Variants in CXCL11 observed in about 807,000 individuals in gnomAD.
CXCL11 encodes C-X-C motif chemokine ligand 11, also known as C-X-C motif chemokine 11.
Under a neutral mutation model 9.7 loss-of-function variants are expected in CXCL11, and 7 were observed. The ratio of observed to expected loss-of-function variants is 0.72; its 90% CI spans 0.41 to 1.36. The LOEUF is 1.36. Among genes scored for constraint, CXCL11 ranks in the 40% most tolerant of loss-of-function variants. CXCL11 has a pLI of 0.01. For missense variants in CXCL11, 107 were observed against 113.4 expected, an observed-to-expected ratio of 0.94 and a Z score of 0.26; for synonymous variants, 35 against 34.4, an observed-to-expected ratio of 1.02 and a Z score of -0.06.
At position 76,034,409 on chromosome 4, in the gene CXCL11, T is replaced by G; in HGVS notation, c.*384A>C. On this transcript the variant is annotated 3_prime_UTR_variant, in exon 4 of 4. Transcript: ENST00000306621. Reference sequence around the variant, plus strand: ...TGTTCTCATAGTCACAACAGAATAGTTGTAAGCATCAAATCTAGAAGGTTC... The same window carrying G: ...TGTTCTCATAGTCACAACAGAATAGGTGTAAGCATCAAATCTAGAAGGTTC... The G allele has an allele frequency of 2.1e-6, 1 of 467,800 alleles. No homozygotes were observed. The highest frequency in any genetic ancestry group is 3.7e-6 in the Non-Finnish European group (1 of 271,916). The allele number at this position is 467,800 out of a possible 1,614,324, so 29.0% of individuals were successfully genotyped here.
At chr4:76,035,791 G>A (rs937683406) in intron 1 of CXCL11, 136 bp downstream of exon 1, 3 of 723,618 alleles carry the variant, frequency 4.1e-6, no homozygotes, top group Middle Eastern at 3.6e-4. Context: ...CCATTTCTGT[G>A]CTAAAGCTGT....
Position 76,035,039 on chromosome 4 carries a change from TAA to T in CXCL11, c.261+6_261+7del. 1 of 1,606,076 alleles carries T rather than the reference TAA, an allele frequency of 6.2e-7. No individual in the cohort carries two copies. Among genetic ancestry groups the T allele is most frequent in the Non-Finnish European group, 8.5e-7 (1 of 1,172,864 alleles). On this transcript the variant is annotated splice_donor_region_variant and intron_variant, in intron 3 of 3. Coordinates refer to ENST00000306621, the MANE Select transcript of CXCL11 (RefSeq NM_005409.5). ...AGATTATAACATGGGAGTAATTTGG[TAA>T]CTTACTTTGATTATAAGCCTTGCTT...
In CXCL11 at chr4:76,034,258, C is replaced by T. The variant is rs1029047064; in HGVS notation, c.*535G>A. ...GAAAAAATGTTTGAGGAATGTTTTACGACACATAGATGCTTTTGACTTATA... is the reference window on the plus strand; with the variant it reads ...GAAAAAATGTTTGAGGAATGTTTTATGACACATAGATGCTTTTGACTTATA... On this transcript the variant is annotated 3_prime_UTR_variant, in exon 4 of 4. Coordinates refer to ENST00000306621, the MANE Select transcript of CXCL11 (RefSeq NM_005409.5). 1.0e-5 allele frequency: 4 copies of T among 394,358 alleles called. No individual in the cohort carries two copies. Among genetic ancestry groups the T allele is most frequent in the Non-Finnish European group, 1.8e-5 (4 of 223,916 alleles). 24.4% of individuals were successfully genotyped at this position (394,358 alleles called of 1,614,324 possible). A position where few individuals can be genotyped will look rare whatever the true frequency, so the allele number is the denominator to read the frequency against.
chr4:76,035,322 C>G lies in CXCL11; in HGVS notation c.82G>C (p.Gly28Arg), dbSNP rs1560586302. 1 of 1,613,970 alleles carries G rather than the reference C, an allele frequency of 6.2e-7. No homozygotes were observed. Residue 28 changes from glycine (G) to arginine (R), a missense_variant, in exon 2 of 4, where the codon GGA (glycine) becomes CGA (arginine). Transcript: ENST00000306621. ...VVQGFPMFKR[G>R]RCLCIGPGVK... ...CCAGGGCCTATGCAAAGACAGCGTC[C>G]TCTTTTGAACATGGGGAAGCCTAGA...
intron 1 of CXCL11, 37 bp from the exon 2 acceptor site, chr4:76,035,379 G>T: frequency 6.2e-7 from 1 of 1,602,312 alleles, no homozygotes; most frequent in Non-Finnish European, 8.5e-7. Flanking sequence ...TAATGCATCT[G>T]ATTGCAACAG....
chr4:76,034,742 T>C lies in CXCL11; in HGVS notation c.*51A>G. The C allele has an allele frequency of 7.5e-7, 1 of 1,336,996 alleles. No individual in the cohort carries two copies. 82.8% of individuals were successfully genotyped at this position (1,336,996 alleles called of 1,614,324 possible). ...ATTTCAGTAGTCACAGTTAAACTTG[T>C]TCTAGGTTTTTCAGATGCTCTTTTC... On this transcript the variant is annotated 3_prime_UTR_variant, in exon 4 of 4. Coordinates refer to ENST00000306621, the MANE Select transcript of CXCL11 (RefSeq NM_005409.5).
chr4:76,035,966 T>TA lies in CXCL11; in HGVS notation c.21dup (p.Ile8TyrfsTer39). ...GCACACAATATCACAGCCAAGGCTA[T>TA]AGCCATGCCCTTCACACTCATGTTT... On this transcript the variant is annotated frameshift_variant, in exon 1 of 4. Transcript: ENST00000306621. LOFTEE classifies it high-confidence loss of function. 6.2e-7 allele frequency: 1 copy of TA among 1,614,034 alleles called. No individual in the cohort carries two copies. Among genetic ancestry groups the TA allele is most frequent in the Non-Finnish European group, 8.5e-7 (1 of 1,179,940 alleles).
In CXCL11 at chr4:76,035,203, G is replaced by T. The variant is rs747019137; in HGVS notation, c.188+13C>A. On this transcript the variant is annotated intron_variant, in intron 2 of 3. Transcript: ENST00000306621. ...CCTGCACCATTGTCATCTTCAGCAA[G>T]TTCATTACTTACATCACTTCTATTT... The T allele has an allele frequency of 1.2e-6, 2 of 1,614,044 alleles. No individual in the cohort carries two copies. The highest frequency in any genetic ancestry group is 2.2e-5 in the South Asian group (2 of 91,068).
Position 76,035,089 on chromosome 4 carries a change from T to C in CXCL11, c.219A>G (p.Arg73=). The part of the protein sequence containing the change: ...IITLKENKGQ[R]CLNPKSKQAR... ...CTTGCTTCGATTTGGGATTTAGGCA[T>C]CGTTGTCCTTTATTTTCTTTCAGGG... Residue 73 remains arginine (R), a synonymous_variant, in exon 3 of 4, where the codon CGA becomes CGG. Transcript: ENST00000306621. 1 of 1,613,922 alleles carries C rather than the reference T, an allele frequency of 6.2e-7. No homozygotes were observed. The highest frequency in any genetic ancestry group is 8.5e-7 in the Non-Finnish European group (1 of 1,179,880).
chr4:76,034,397 A>G lies in CXCL11; in HGVS notation c.*396T>C, dbSNP rs1734152881. 4.5e-6 allele frequency: 2 copies of G among 447,308 alleles called. No homozygotes were observed. Among genetic ancestry groups the G allele is most frequent in the Non-Finnish European group, 7.7e-6 (2 of 259,516 alleles). 27.7% of individuals were successfully genotyped at this position (447,308 alleles called of 1,614,324 possible). A position where few individuals can be genotyped will look rare whatever the true frequency, so the allele number is the denominator to read the frequency against. On this transcript the variant is annotated 3_prime_UTR_variant, in exon 4 of 4. Transcript: ENST00000306621. Reference sequence around the variant, plus strand: ...TAGAGACAGAAATGTTCTCATAGTCACAACAGAATAGTTGTAAGCATCAAA... The same window carrying G: ...TAGAGACAGAAATGTTCTCATAGTCGCAACAGAATAGTTGTAAGCATCAAA...
In CXCL11 at chr4:76,033,699, G is replaced by T. The variant is rs946489594; in HGVS notation, c.*1094C>A. The T allele has an allele frequency of 2.0e-5, 3 of 152,120 alleles. No individual in the cohort carries two copies. Among genetic ancestry groups the T allele is most frequent in the African/African-American group, 7.2e-5 (3 of 41,436 alleles). 9.4% of individuals were successfully genotyped at this position (152,120 alleles called of 1,614,324 possible). ...TATAGATCTTTTTTTAAAAAAGAAA[G>T]GTTGTGGTAGTTTATTAGAGAAAAA... On this transcript the variant is annotated 3_prime_UTR_variant, in exon 4 of 4. Transcript: ENST00000306621.
rs1734351989 is a variant in CXCL11, at chr4:76,035,926, C to T, written c.61+1G>A. The T allele has an allele frequency of 6.2e-7, 1 of 1,612,592 alleles. No individual in the cohort carries two copies. The highest frequency in any genetic ancestry group is 2.2e-5 in the East Asian group (1 of 44,788). ...GTTGAGAAATAAAAATTACTGCATACCTTGAACAACTGTAGCACACAATAT... is the reference window on the plus strand; with the variant it reads ...GTTGAGAAATAAAAATTACTGCATATCTTGAACAACTGTAGCACACAATAT... On this transcript the variant is annotated splice_donor_variant, in intron 1 of 3. Coordinates refer to ENST00000306621, the MANE Select transcript of CXCL11 (RefSeq NM_005409.5). LOFTEE classifies it high-confidence loss of function.
At chr4:76,034,840 T>G in intron 3 of CXCL11, 24 bp from the exon 4 acceptor site, 1 of 1,553,078 alleles carries the variant, frequency 6.4e-7, no homozygotes, top group Non-Finnish European at 8.9e-7. Context: ...ACAAGAGTTT[T>G]ATTTACTTGG....
intron 1 of CXCL11, among the ~76,000 whole-genome samples, 155 bp downstream of exon 1, chr4:76,035,772 A>C (rs1734332804): frequency 1.3e-5 from 2 of 152,244 alleles, no homozygotes. Context: ...AGTATCTTAA[A>C]CATGTCCACC....
chr4:76,035,488 G>GA, intron 1 of CXCL11, 146 bp from the exon 2 acceptor site: 1 of 709,878 alleles, frequency 1.4e-6, no homozygotes. Context: ...CTGTTACTGG[G>GA]AAAAGTTAAG....
Position 76,034,521 on chromosome 4 carries a change from A to C in CXCL11, c.*272T>G. The C allele has an allele frequency of 1.9e-6, 1 of 521,980 alleles. No homozygotes were observed. The highest frequency in any genetic ancestry group is 3.2e-5 in the South Asian group (1 of 31,464). 32.3% of individuals were successfully genotyped at this position (521,980 alleles called of 1,614,324 possible). On this transcript the variant is annotated 3_prime_UTR_variant, in exon 4 of 4. Transcript: ENST00000306621. ...ACTCCGATGGTAACCAGCCTTTCTTAAGGTAGCTTTTCCTAGAAATCCATT... is the reference window on the plus strand; with the variant it reads ...ACTCCGATGGTAACCAGCCTTTCTTCAGGTAGCTTTTCCTAGAAATCCATT...
At chr4:76,035,494 TTAAG>T (rs1734303051) in intron 1 of CXCL11, 152 bp from the exon 2 acceptor site, 1 of 694,386 alleles carries the variant, frequency 1.4e-6, no homozygotes, top group Non-Finnish European at 2.3e-6. Context: ...CTGGGAAAAG[TTAAG>T]TAAGATGTTG....
rs1273874852 is a variant in CXCL11, at chr4:76,034,392, T to C, written c.*401A>G. 2.3e-6 allele frequency: 1 copy of C among 442,356 alleles called. No individual in the cohort carries two copies. The highest frequency in any genetic ancestry group is 3.5e-5 in the East Asian group (1 of 28,422). 27.4% of individuals were successfully genotyped at this position (442,356 alleles called of 1,614,324 possible). On this transcript the variant is annotated 3_prime_UTR_variant, in exon 4 of 4. Coordinates refer to ENST00000306621, the MANE Select transcript of CXCL11 (RefSeq NM_005409.5). ...ACTTCTAGAGACAGAAATGTTCTCA[T>C]AGTCACAACAGAATAGTTGTAAGCA... is the stretch of plus-strand genomic sequence containing the variant.
Position 76,035,923 on chromosome 4 carries a change from A to C in CXCL11, c.61+4T>G. The C allele has an allele frequency of 1.2e-6, 2 of 1,612,486 alleles. No individual in the cohort carries two copies. Among genetic ancestry groups the C allele is most frequent in the Non-Finnish European group, 1.7e-6 (2 of 1,179,220 alleles). The stretch of plus-strand genomic sequence containing the variant: ...TAGGTTGAGAAATAAAAATTACTGC[A>C]TACCTTGAACAACTGTAGCACACAA... On this transcript the variant is annotated splice_donor_region_variant and intron_variant, in intron 1 of 3. Coordinates refer to ENST00000306621, the MANE Select transcript of CXCL11 (RefSeq NM_005409.5).
Sources: allele counts gnomAD v4.1 joint callset (sites outside exome capture counted in the v4.1 genomes callset), GRCh38; gene constraint gnomAD v4.1.1; transcripts MANE v1.5; gene names NCBI Gene and HGNC (gene_info 2026-07-23, HGNC 2026-07-21).